Variants in FRMD5 observed in about 807,000 individuals in gnomAD.
FRMD5 encodes FERM domain-containing protein 5.
FRMD5 carries 20 observed loss-of-function variants against 69.0 expected under a neutral mutation model. That is an observed-to-expected ratio of 0.29 (90% confidence interval 0.20 to 0.42). The LOEUF is 0.42. Among genes scored for constraint, FRMD5 ranks in the 10% least tolerant of loss-of-function variants. The probability of loss-of-function intolerance (pLI) is 1.00; values close to 1 mark genes in which losing one functional copy is unlikely to be tolerated. For missense variants in FRMD5, 595 were observed against 708.6 expected, an observed-to-expected ratio of 0.84 and a Z score of 1.82; for synonymous variants, 271 against 260.1, an observed-to-expected ratio of 1.04 and a Z score of -0.40.
intron 1 of FRMD5, among the ~76,000 whole-genome samples, chr15:44,142,088 G>A (rs2077282457): frequency 6.6e-6 from 1 of 151,948 alleles, no homozygotes; most frequent in Non-Finnish European, 1.5e-5. Context: ...CAATAATCCT[G>A]CCTTCTATAG....
intron 1 of FRMD5, among the ~76,000 whole-genome samples, chr15:44,111,408 G>A (rs1225215869): frequency 1.3e-5 from 2 of 152,208 alleles, no homozygotes; most frequent in Non-Finnish European, 2.9e-5. Context: ...ATTCCAGGGT[G>A]ATAAACTGCT....
intron 1 of FRMD5, among the ~76,000 whole-genome samples, chr15:44,038,420 T>C (rs1595657050): frequency 6.6e-6 from 1 of 152,192 alleles, no homozygotes; most frequent in East Asian, 1.9e-4. Context: ...TTTATGGTTT[T>C]AGGTCTTATG....
At chr15:44,028,877 AC>A (rs2140277927) in intron 1 of FRMD5, among the ~76,000 whole-genome samples, 1 of 152,282 alleles carries the variant, frequency 6.6e-6, no homozygotes, top group East Asian at 1.9e-4. Context: ...TAAGCTTTAA[AC>A]TAGACTGGAT....
chr15:44,086,488 T>C (rs886279522), intron 1 of FRMD5, among the ~76,000 whole-genome samples: 1 of 152,222 alleles, frequency 6.6e-6, no homozygotes, highest in Non-Finnish European at 1.5e-5. Flanking sequence ...TCTATTTATG[T>C]AAAGTATCCA....
chr15:43,875,366 ATATATATATATAT>A (rs2088310892), intron 13 of FRMD5, among the ~76,000 whole-genome samples: 6 of 79,764 alleles, frequency 7.5e-5, no homozygotes, highest in Non-Finnish European at 1.2e-4. Flanking sequence ...AAAAAAAAAT[ATATATATATATAT>A]ATATATATAT....
At position 43,909,798 on chromosome 15, in the gene FRMD5, A is replaced by C; in HGVS notation, c.427+84T>G. On this transcript the variant is annotated intron_variant, in intron 5 of 13. Transcript: ENST00000417257. ...CCTGGCCTAGATAATGTTTAGATTC[A>C]AGAAGGAGTCATCAGTGCTAACTGA... The C allele has an allele frequency of 6.3e-6, 5 of 790,460 alleles. No individual in the cohort carries two copies. The South Asian group carries it at 8.0e-5, about 13-fold the overall frequency. 49.0% of individuals were successfully genotyped at this position (790,460 alleles called of 1,614,324 possible). A position where few individuals can be genotyped will look rare whatever the true frequency, so the allele number is the denominator to read the frequency against.
intron 8 of FRMD5, among the ~76,000 whole-genome samples, chr15:43,891,533 C>A (rs2088792764): frequency 6.6e-6 from 1 of 152,322 alleles, no homozygotes; most frequent in South Asian, 2.1e-4. Flanking sequence ...GGACTTATAT[C>A]TGCCCCAGAG....
chr15:44,050,006 A>T (rs1892588374), intron 1 of FRMD5, among the ~76,000 whole-genome samples: 1 of 152,208 alleles, frequency 6.6e-6, no homozygotes, highest in African/African-American at 2.4e-5. Context: ...TGTACAAGTA[A>T]CCTTCCTGAC....
At chr15:43,894,990 C>A (rs1190461598) in intron 7 of FRMD5, among the ~76,000 whole-genome samples, 2 of 152,120 alleles carry the variant, frequency 1.3e-5, no homozygotes. Flanking sequence ...CACCATATGG[C>A]CAAGGTGGGT....
Position 44,095,650 on chromosome 15 carries a change from T to C in FRMD5, c.102+99303A>G, listed in dbSNP as rs75570298. On this transcript the variant is annotated intron_variant, in intron 1 of 13. Transcript: ENST00000417257. ...CTTGCATTTTCTTACCTTCATTTAA[T>C]GTTCTGGCTTCTCCTCAAATGTACC... is the stretch of plus-strand genomic sequence containing the variant. 3.2e-3 allele frequency among the ~76,000 whole-genome samples: 489 copies of C among 152,328 alleles called. 1 individual carries two copies. The highest frequency in any genetic ancestry group is 0.016 in the South Asian group (75 of 4,828).
chr15:43,971,649 T>A (rs2090380955), intron 1 of FRMD5, among the ~76,000 whole-genome samples: 1 of 151,734 alleles, frequency 6.6e-6, no homozygotes, highest in East Asian at 1.9e-4. Context: ...AAAAAAGAGT[T>A]TCTATGCAAT....
Position 44,140,756 on chromosome 15 carries a change from G to A in FRMD5, c.102+54197C>T, listed in dbSNP as rs1258402919. Among the ~76,000 whole-genome samples, 5 of 151,776 alleles carry A rather than the reference G, an allele frequency of 3.3e-5. No homozygotes were observed. The South Asian group carries it at 8.3e-4, about 25-fold the overall frequency. ...AATTTAGCTGGGTACAGTGGCACGTGCCTGTGGTCCCAGCTACTCAAGAGG... is the reference window on the plus strand; with the variant it reads ...AATTTAGCTGGGTACAGTGGCACGTACCTGTGGTCCCAGCTACTCAAGAGG... On this transcript the variant is annotated intron_variant, in intron 1 of 13. Transcript: ENST00000417257.
chr15:44,198,645 C>A (rs1468178113), upstream of FRMD5, among the ~76,000 whole-genome samples: 1 of 152,174 alleles, frequency 6.6e-6, no homozygotes, highest in East Asian at 1.9e-4. Flanking sequence ...GAGCCAGGAG[C>A]TATGACTGCA....
intron 1 of FRMD5, among the ~76,000 whole-genome samples, chr15:44,182,573 A>G (rs1000900646): frequency 1.3e-5 from 2 of 151,956 alleles, no homozygotes; most frequent in East Asian, 3.9e-4. Context: ...TGATCCACCC[A>G]CCTTGGCCTC....
chr15:44,114,708 G>C (rs1296902560), intron 1 of FRMD5, among the ~76,000 whole-genome samples: 1 of 152,082 alleles, frequency 6.6e-6, no homozygotes. Flanking sequence ...TAAAAAGAAA[G>C]AAATCTGATA....
chr15:44,087,425 G>A (rs1471854028), intron 1 of FRMD5, among the ~76,000 whole-genome samples: 1 of 152,168 alleles, frequency 6.6e-6, no homozygotes, highest in Non-Finnish European at 1.5e-5. Flanking sequence ...AATGAATTCA[G>A]AGGAGAAAGT....
chr15:43,978,103 C>T lies in FRMD5; in HGVS notation c.103-53794G>A, dbSNP rs117173738. Among the ~76,000 whole-genome samples the T allele has an allele frequency of 3.0e-3, 455 of 152,288 alleles. 11 individuals are homozygous for T. In the East Asian group the frequency reaches 0.05, roughly 17 times the overall value. On this transcript the variant is annotated intron_variant, in intron 1 of 13. Transcript: ENST00000417257. Reference sequence around the variant, plus strand: ...TCAGCCAGATTCCTGACCGGGACCGCTTGCAGGCTTATTCTTGTAAATAAA... The same window carrying T: ...TCAGCCAGATTCCTGACCGGGACCGTTTGCAGGCTTATTCTTGTAAATAAA...
chr15:44,003,307 C>T (rs145933235), intron 1 of FRMD5, among the ~76,000 whole-genome samples: 1 of 152,188 alleles, frequency 6.6e-6, no homozygotes, highest in African/African-American at 2.4e-5. Context: ...AGTCTCCCTG[C>T]CTCTACCCTT....
At chr15:44,024,240 G>A (rs959586990) in intron 1 of FRMD5, among the ~76,000 whole-genome samples, 4 of 150,872 alleles carry the variant, frequency 2.7e-5, no homozygotes, top group African/African-American at 4.9e-5. Context: ...TATGATTTTC[G>A]ACTGTATGAA....
Sources: gnomAD v4.1 joint callset for allele counts (sites outside exome capture counted in the v4.1 genomes callset) on GRCh38, gnomAD v4.1.1 for gene constraint, MANE v1.5 for transcripts, NCBI Gene and HGNC (gene_info 2026-07-23, HGNC 2026-07-21) for gene names.